Variants in NME7 observed in about 807,000 individuals in gnomAD.
The protein encoded by NME7 is nucleoside diphosphate kinase 7.
In NME7, 41 loss-of-function variants were observed where a neutral mutation model predicts 49.1. The ratio of observed to expected loss-of-function variants is 0.83; its 90% confidence interval spans 0.65 to 1.08. The LOEUF (loss-of-function observed/expected upper bound fraction) is 1.08. Ranked by LOEUF, NME7 falls within the 50% of genes least tolerant of loss-of-function variation. NME7 has a pLI of 0.00. For missense variants in NME7, 423 were observed against 463.4 expected (o/e 0.91, Z 0.80); for synonymous variants, 139 against 150.6 (o/e 0.92, Z 0.56).
chr1:169,205,098 T>C (rs1299089641), intron 10 of NME7, among the ~76,000 whole-genome samples: 1 of 152,176 alleles, frequency 6.6e-6, no homozygotes, highest in Non-Finnish European at 1.5e-5. Flanking sequence ...AGTATGCTTA[T>C]GTTATTGTTC....
In NME7 at chr1:169,237,649, C is replaced by T. The variant is rs1647914373; in HGVS notation, c.793G>A (p.Gly265Ser). Residue 265 changes from glycine (G) to serine (S), a missense_variant, in exon 8 of 12, where the codon GGT (glycine) becomes AGT (serine). Gly to Ser is a moderately conservative substitution (Grantham distance 56, BLOSUM62 0). Coordinates refer to ENST00000367811, the MANE Select transcript of NME7 (RefSeq NM_013330.5). ...GKILMAIRDAGFEISAMQMFN... is the reference protein window; with the variant it reads ...GKILMAIRDASFEISAMQMFN... ...ATCTGCATAGCTGAGATTTCAAAACCTGCATCTCGGATAGCCATCAGGATC... is the reference window on the plus strand; with the variant it reads ...ATCTGCATAGCTGAGATTTCAAAACTTGCATCTCGGATAGCCATCAGGATC... 1 of 1,610,868 alleles carries T rather than the reference C, an allele frequency of 6.2e-7. No individual in the cohort carries two copies. The highest frequency in any genetic ancestry group is 1.3e-5 in the African/African-American group (1 of 74,742).
chr1:169,232,653 C>A (rs1313687950), intron 9 of NME7, among the ~76,000 whole-genome samples: 1 of 151,356 alleles, frequency 6.6e-6, no homozygotes, highest in East Asian at 1.9e-4. Context: ...ATTCTATACC[C>A]AGGTGGGAAA....
intron 1 of NME7, among the ~76,000 whole-genome samples, chr1:169,360,408 T>C (rs1215910402): frequency 6.6e-6 from 1 of 152,004 alleles, no homozygotes. Flanking sequence ...TTAAGGCAAA[T>C]CCAAGGAAAA....
chr1:169,188,152 C>T (rs189847219), intron 10 of NME7, among the ~76,000 whole-genome samples: 3 of 152,184 alleles, frequency 2.0e-5, no homozygotes, highest in African/African-American at 4.8e-5. Flanking sequence ...GTTGGTAACC[C>T]GACCTTTCTC....
At chr1:169,135,498 T>G (rs554643587) in intron 11 of NME7, among the ~76,000 whole-genome samples, 13 of 152,302 alleles carry the variant, frequency 8.5e-5, no homozygotes, top group African/African-American at 3.1e-4. Context: ...AGGGAAACTA[T>G]CCAAGGAACA....
rs2101906741 is a variant in NME7 at position 169,298,603 on chromosome 1, T to C, written c.601A>G (p.Ile201Val). 1.2e-6 allele frequency: 2 copies of C among 1,613,998 alleles called. No homozygotes were observed. The highest frequency in any genetic ancestry group is 1.7e-6 in the Non-Finnish European group (2 of 1,179,906). The change falls in exon 6 of 12, where the codon ATA (isoleucine) becomes GTA (valine). Residue 201 changes from isoleucine to valine, a missense_variant. Transcript: ENST00000367811. Reference protein sequence around the residue: ...SIRALFGTDGIRNAAHGPDSF... With the variant: ...SIRALFGTDGVRNAAHGPDSF... The stretch of plus-strand genomic sequence containing the variant: ...TCAGGGCCATGCGCTGCATTTCTTA[T>C]GCCATCTGTTCCAAAGAGGGCTCTA...
intron 7 of NME7, among the ~76,000 whole-genome samples, chr1:169,259,827 G>A (rs1017082917): frequency 1.5e-5 from 2 of 133,718 alleles, no homozygotes; most frequent in African/African-American, 2.5e-5. Flanking sequence ...TTTTAAAAAC[G>A]GAGAAGAAAG....
At chr1:169,277,530 A>T (rs1269448942) in intron 7 of NME7, among the ~76,000 whole-genome samples, 1 of 85,690 alleles carries the variant, frequency 1.2e-5, no homozygotes, top group Non-Finnish European at 2.4e-5. Flanking sequence ...TTTGTTTTCC[A>T]TTTGCTTGGT....
intron 4 of NME7, among the ~76,000 whole-genome samples, chr1:169,304,947 G>A (rs1651115346): frequency 6.6e-6 from 1 of 152,162 alleles, no homozygotes; most frequent in South Asian, 2.1e-4. Flanking sequence ...AGAAGAGTTA[G>A]CAGAAGAATA....
At chr1:169,310,560 T>A (rs1014876353) in intron 3 of NME7, 1 of 152,854 alleles carries the variant, frequency 6.5e-6, no homozygotes, top group African/African-American at 2.4e-5. Flanking sequence ...CATGGGTGAC[T>A]GCATGAAGAA....
At chr1:169,307,731 C>G (rs1651226542) in intron 4 of NME7, among the ~76,000 whole-genome samples, 1 of 152,050 alleles carries the variant, frequency 6.6e-6, no homozygotes. Context: ...TTATAAATCC[C>G]ATTTTAAGCC....
intron 3 of NME7, among the ~76,000 whole-genome samples, chr1:169,316,548 GC>G (rs1483586891): frequency 6.6e-6 from 1 of 152,130 alleles, no homozygotes; most frequent in African/African-American, 2.4e-5. Flanking sequence ...AAGATTACAG[GC>G]CTTGAGATAG....
intron 3 of NME7, among the ~76,000 whole-genome samples, chr1:169,316,309 G>C (rs1272995080): frequency 1.3e-5 from 2 of 152,146 alleles, no homozygotes; most frequent in African/African-American, 4.8e-5. Flanking sequence ...TCCTAATCTT[G>C]TTGTATGAGT....
At chr1:169,162,355 T>G (rs1359262524) in intron 11 of NME7, among the ~76,000 whole-genome samples, 1 of 152,022 alleles carries the variant, frequency 6.6e-6, no homozygotes, top group Non-Finnish European at 1.5e-5. Context: ...TCTTAAAATT[T>G]TATAATCACA....
intron 5 of NME7, among the ~76,000 whole-genome samples, chr1:169,301,388 A>G (rs1263452284): frequency 2.0e-5 from 3 of 152,204 alleles, no homozygotes; most frequent in African/African-American, 7.2e-5. Flanking sequence ...ATTTCACACC[A>G]GTCAGAATGG....
intron 1 of NME7, among the ~76,000 whole-genome samples, chr1:169,362,963 C>T (rs1351647839): frequency 3.3e-5 from 5 of 151,938 alleles, no homozygotes; most frequent in Non-Finnish European, 5.9e-5. Context: ...ATTAGCTGAA[C>T]GTGGTGGCTA....
intron 1 of NME7, among the ~76,000 whole-genome samples, chr1:169,338,052 C>T (rs938664835): frequency 6.6e-6 from 1 of 152,126 alleles, no homozygotes; most frequent in African/African-American, 2.4e-5. Context: ...TTGTCAACTC[C>T]AACTTAGCAT....
intron 7 of NME7, among the ~76,000 whole-genome samples, chr1:169,256,393 G>A (rs1298778092): frequency 2.2e-5 from 3 of 133,812 alleles, no homozygotes; most frequent in South Asian, 4.6e-4. Flanking sequence ...CGTAGTTCTC[G>A]AGCCTTGGTT....
intron 4 of NME7, among the ~76,000 whole-genome samples, chr1:169,306,164 G>A (rs1479122369): frequency 6.6e-6 from 1 of 152,184 alleles, no homozygotes; most frequent in African/African-American, 2.4e-5. Context: ...TCCTCTTAGA[G>A]CTATTACAGT....
Sources: gnomAD v4.1 joint callset for allele counts (sites outside exome capture counted in the v4.1 genomes callset) on GRCh38, gnomAD v4.1.1 for gene constraint, MANE v1.5 for transcripts, NCBI Gene and HGNC (gene_info 2026-07-23, HGNC 2026-07-21) for gene names.